Variants in NAV3 observed in about 807,000 individuals in gnomAD.
NAV3 encodes the protein pore membrane and/or filament interacting like protein 1.
Under a neutral mutation model 244.7 loss-of-function variants are expected in NAV3, and 87 were observed. The ratio of observed to expected loss-of-function variants is 0.36; its 90% CI spans 0.30 to 0.42. The LOEUF (loss-of-function observed/expected upper bound fraction) is 0.42, where lower values mean the gene tolerates loss of function less well. Among genes scored for constraint, NAV3 ranks in the 20% least tolerant of loss-of-function variants. NAV3 has a pLI of 1.00. For synonymous variants in NAV3, 1,126 were observed against 1,042.2 expected (o/e 1.08, Z -1.55); for missense variants, 2,663 against 2,893.3 (o/e 0.92, Z 1.83).
At chr12:77,995,160 C>A (rs952136269) in intron 6 of NAV3, among the ~76,000 whole-genome samples, 2 of 152,016 alleles carry the variant, frequency 1.3e-5, no homozygotes, top group Admixed American at 6.6e-5. Flanking sequence ...ACTTTGAATG[C>A]CCAATTCCTT....
intron 39 of NAV3, 35 bp downstream of exon 39, chr12:78,205,173 C>T (rs1960162875): frequency 6.3e-7 from 1 of 1,583,768 alleles, no homozygotes; most frequent in East Asian, 2.2e-5. Context: ...CCTATGTAAT[C>T]TTGACTACAG....
At chr12:78,026,660 C>A (rs747399114) in intron 9 of NAV3, among the ~76,000 whole-genome samples, 18 of 152,060 alleles carry the variant, frequency 1.2e-4, no homozygotes, top group Non-Finnish European at 2.4e-4. Context: ...ATTGAACTAA[C>A]TATAAGAAAT....
At chr12:77,882,275 G>T (rs1882746608) in intron 1 of NAV3, among the ~76,000 whole-genome samples, 1 of 151,950 alleles carries the variant, frequency 6.6e-6, no homozygotes, top group Non-Finnish European at 1.5e-5. Flanking sequence ...AAATAATACT[G>T]CATACCTACA....
rs184461420 is a variant in NAV3, at chr12:77,976,685, T to C, written c.671+7983T>C. On this transcript the variant is annotated intron_variant, in intron 5 of 39. Coordinates refer to ENST00000397909, the MANE Select transcript of NAV3 (RefSeq NM_001024383.2). Reference sequence around the variant, plus strand: ...TTCTTTCTTTTTTTCTTTTTTTTTTTTTTTTTTGAGACGGAGTCTTACTCT... The same window carrying C: ...TTCTTTCTTTTTTTCTTTTTTTTTTCTTTTTTTGAGACGGAGTCTTACTCT... 7.0e-3 allele frequency among the ~76,000 whole-genome samples: 939 copies of C among 134,410 alleles called. 13 individuals are homozygous for C. Among genetic ancestry groups the C allele is most frequent in the South Asian group, 0.013 (52 of 4,006 alleles). 88.2% of individuals were successfully genotyped at this position (134,410 alleles called of 152,430 possible).
intron 2 of NAV3, among the ~76,000 whole-genome samples, chr12:77,641,238 G>A (rs1872397266): frequency 2.0e-5 from 3 of 152,030 alleles, no homozygotes; most frequent in Non-Finnish European, 4.4e-5. Flanking sequence ...TCTCTGGGAA[G>A]GCTCATTCTT....
At chr12:78,125,680 C>T (rs1955876178) in intron 16 of NAV3, among the ~76,000 whole-genome samples, 1 of 152,160 alleles carries the variant, frequency 6.6e-6, no homozygotes, top group East Asian at 1.9e-4. Flanking sequence ...CCTATCTGGC[C>T]CTTGCTGGCA....
At chr12:77,662,692 C>G (rs1873521046) in intron 2 of NAV3, among the ~76,000 whole-genome samples, 1 of 152,032 alleles carries the variant, frequency 6.6e-6, no homozygotes, top group Admixed American at 6.6e-5. Context: ...AAAAATGAGA[C>G]TTTACACATA....
intron 5 of NAV3, among the ~76,000 whole-genome samples, chr12:77,982,116 C>G (rs890136243): frequency 6.6e-6 from 1 of 152,086 alleles, no homozygotes; most frequent in Non-Finnish European, 1.5e-5. Context: ...ACTTTTATAT[C>G]AAATACATCT....
chr12:78,190,332 C>CTT (rs138370446), intron 34 of NAV3, 113 bp downstream of exon 34: 40 of 802,476 alleles, frequency 5.0e-5, no homozygotes, highest in South Asian at 2.4e-4. Flanking sequence ...GAATATCCAT[C>CTT]TTTTTTTTAC....
chr12:77,932,765 C>T (rs1283235722), intron 1 of NAV3, among the ~76,000 whole-genome samples: 1 of 152,104 alleles, frequency 6.6e-6, no homozygotes, highest in Non-Finnish European at 1.5e-5. Context: ...TTAATAAAGC[C>T]TTCTTAGCTT....
chr12:78,047,247 A>G (rs1043320281), intron 9 of NAV3, among the ~76,000 whole-genome samples: 12 of 152,034 alleles, frequency 7.9e-5, no homozygotes, highest in Non-Finnish European at 1.5e-4. Context: ...CAGCACTTTG[A>G]GAGGCCGAGG....
At chr12:77,768,170 G>A (rs906896869) in intron 2 of NAV3, among the ~76,000 whole-genome samples, 2 of 152,194 alleles carry the variant, frequency 1.3e-5, no homozygotes, top group Non-Finnish European at 2.9e-5. Flanking sequence ...CAGAGGGAAG[G>A]AAGTACATGC....
intron 4 of NAV3, among the ~76,000 whole-genome samples, chr12:77,967,274 ATTAG>A (rs1393210191): frequency 6.6e-6 from 1 of 152,094 alleles, no homozygotes. Context: ...TACTCTCTAA[ATTAG>A]TTAAACATGC....
rs1269401108 is a variant in NAV3, at chr12:78,102,963, G to C, written c.2637-13809G>C. Among the ~76,000 whole-genome samples, 5 of 152,308 alleles carry C rather than the reference G, an allele frequency of 3.3e-5. No individual in the cohort carries two copies. In the East Asian group the frequency reaches 9.6e-4, roughly 29 times the overall value. On this transcript the variant is annotated intron_variant, in intron 12 of 39. Transcript: ENST00000397909. ...GATCAGTGAAGGGTGGGGCTGCCATGAAGACCTATGACATGCCCTGGAGAC... is the reference window on the plus strand; with the variant it reads ...GATCAGTGAAGGGTGGGGCTGCCATCAAGACCTATGACATGCCCTGGAGAC...
chr12:77,928,297 G>A (rs1197853648), intron 1 of NAV3, among the ~76,000 whole-genome samples: 1 of 150,980 alleles, frequency 6.6e-6, no homozygotes, highest in African/African-American at 2.4e-5. Context: ...CAGTACATTT[G>A]GAACAGCAAG....
chr12:77,655,281 G>A (rs902970827), intron 2 of NAV3, among the ~76,000 whole-genome samples: 2 of 152,176 alleles, frequency 1.3e-5, no homozygotes, highest in Non-Finnish European at 2.9e-5. Flanking sequence ...GGAGCTGAAA[G>A]CCAAGGCTCG....
At chr12:77,753,539 G>C (rs1206873451) in intron 2 of NAV3, among the ~76,000 whole-genome samples, 1 of 152,022 alleles carries the variant, frequency 6.6e-6, no homozygotes, top group Non-Finnish European at 1.5e-5. Context: ...ACAATCCCTA[G>C]GTCTACATCT....
intron 39 of NAV3, among the ~76,000 whole-genome samples, chr12:78,209,434 C>G (rs1346259443): frequency 1.3e-5 from 2 of 151,734 alleles, no homozygotes; most frequent in Non-Finnish European, 2.9e-5. Flanking sequence ...TTATAAAAAC[C>G]CTTGATATGA....
intron 1 of NAV3, among the ~76,000 whole-genome samples, chr12:77,889,992 C>CAAAACCAGTAGGTGAGGGAAATAACACA (rs1403873075): frequency 4.6e-5 from 7 of 152,116 alleles, no homozygotes; most frequent in Non-Finnish European, 7.4e-5. Context: ...AAACTGACAC[C>CAAAACCAGTAGGTGAGGGAAATAACACA]AAAACCAGTA....
Sources: gnomAD v4.1 joint callset for allele counts (sites outside exome capture counted in the v4.1 genomes callset) on GRCh38, gnomAD v4.1.1 for gene constraint, MANE v1.5 for transcripts, NCBI Gene and HGNC (gene_info 2026-07-23, HGNC 2026-07-21) for gene names.